Variants in TNFRSF1B observed in about 807,000 individuals in gnomAD.
The protein encoded by TNFRSF1B is TNF receptor superfamily member 1B.
In TNFRSF1B, 19 loss-of-function variants were observed where a neutral mutation model predicts 44.6. The observed-to-expected ratio is 0.43, with a 90% CI of 0.30 to 0.62. TNFRSF1B has a LOEUF of 0.62. TNFRSF1B is among the 20% of genes least tolerant of loss of function. The pLI, the probability that TNFRSF1B is intolerant of heterozygous loss-of-function variation, is 0.16. For synonymous variants in TNFRSF1B, 252 were observed against 261.1 expected, an observed-to-expected ratio of 0.97 and a Z score of 0.34; for missense variants, 541 against 619.9, an observed-to-expected ratio of 0.87 and a Z score of 1.35.
intron 9 of TNFRSF1B, 107 bp downstream of exon 9, chr1:12,202,278 G>A: frequency 6.9e-7 from 1 of 1,453,866 alleles, no homozygotes; most frequent in East Asian, 2.5e-5. Flanking sequence ...GGTGGGACGA[G>A]GCCTGAGCCA....
chr1:12,196,651 T>C (rs1338465802), intron 8 of TNFRSF1B, among the ~76,000 whole-genome samples: 1 of 152,228 alleles, frequency 6.6e-6, no homozygotes, highest in Non-Finnish European at 1.5e-5. Flanking sequence ...CGCACCGCAG[T>C]GTGTCTCTGG....
chr1:12,189,745 A>G (rs1193576160), intron 2 of TNFRSF1B, among the ~76,000 whole-genome samples: 1 of 152,232 alleles, frequency 6.6e-6, no homozygotes, highest in Non-Finnish European at 1.5e-5. Context: ...GTAGAAAGAC[A>G]AGGTCAGGTA....
rs1405168216 is a variant in TNFRSF1B at position 12,177,095 on chromosome 1, T to C, written c.78+9926T>C. Among the ~76,000 whole-genome samples the C allele has an allele frequency of 6.6e-6, 1 of 152,128 alleles. No homozygotes were observed. Among genetic ancestry groups the C allele is most frequent in the African/African-American group, 2.4e-5 (1 of 41,430 alleles). On this transcript the variant is annotated intron_variant, in intron 1 of 9. Transcript: ENST00000376259. The surrounding 1 kb of genome is among the most constrained non-coding windows in gnomAD (Gnocchi z 4.3). ...TTGGCTCACTGCAACCTCTGCCTTC[T>C]GAGTTCAAGCGATTCTCCCACCTCA...
intron 8 of TNFRSF1B, among the ~76,000 whole-genome samples, chr1:12,197,682 A>G (rs190896323): frequency 7.2e-5 from 11 of 152,290 alleles, no homozygotes; most frequent in Admixed American, 6.5e-4. Flanking sequence ...CTACTCCTCA[A>G]CCAGCAGCTA....
At chr1:12,188,515 G>A (rs1639036785) in intron 1 of TNFRSF1B, among the ~76,000 whole-genome samples, 1 of 152,206 alleles carries the variant, frequency 6.6e-6, no homozygotes, top group Non-Finnish European at 1.5e-5. Context: ...TCTGTCCCAT[G>A]CAGTGTTAGG....
chr1:12,202,249 C>G (rs1639410436), intron 9 of TNFRSF1B, 78 bp downstream of exon 9: 1 of 1,506,806 alleles, frequency 6.6e-7, no homozygotes. Context: ...TAGCCATCTC[C>G]TCCTGAGCCT....
In TNFRSF1B at chr1:12,209,209, CTGTT is replaced by C. The variant is rs1639577922; in HGVS notation, c.*2195_*2198del. ...ACGGCATTCCTGCTTATCAATAAAC[CTGTT>C]TGTTTTACACGTCGACCCCTGGCTC... On this transcript the variant is annotated 3_prime_UTR_variant, in exon 10 of 10. Transcript: ENST00000376259. 6.6e-6 allele frequency: 1 copy of C among 152,112 alleles called. No homozygotes were observed. Among genetic ancestry groups the C allele is most frequent in the Non-Finnish European group, 1.5e-5 (1 of 68,036 alleles). The allele number at this position is 152,112 out of a possible 1,614,324, so 9.4% of individuals were successfully genotyped here. A position where few individuals can be genotyped will look rare whatever the true frequency, so the allele number is the denominator to read the frequency against.
chr1:12,184,479 C>CG (rs966488025), intron 1 of TNFRSF1B, among the ~76,000 whole-genome samples: 30 of 151,964 alleles, frequency 2.0e-4, no homozygotes, highest in East Asian at 1.2e-3. Context: ...TGCCGGCTAC[C>CG]GGGGGGGCTG....
chr1:12,167,188 C>G lies in TNFRSF1B; in HGVS notation c.78+19C>G. 8.0e-7 allele frequency: 1 copy of G among 1,255,762 alleles called. No homozygotes were observed. Among genetic ancestry groups the G allele is most frequent in the Non-Finnish European group, 1.0e-6 (1 of 998,710 alleles). 77.8% of individuals were successfully genotyped at this position (1,255,762 alleles called of 1,614,324 possible). ...CGCCCAGGTGGGTGACTCGCGCGGC[C>G]CACGGGGGACAGCCGCCCCGCATGT... On this transcript the variant is annotated intron_variant, in intron 1 of 9. Transcript: ENST00000376259.
At chr1:12,176,617 T>C (rs1374773672) in intron 1 of TNFRSF1B, among the ~76,000 whole-genome samples, 1 of 152,166 alleles carries the variant, frequency 6.6e-6, no homozygotes, top group Non-Finnish European at 1.5e-5. Context: ...GTGTCCATGC[T>C]CTCAGCCACC....
At chr1:12,175,976 A>G (rs190736851) in intron 1 of TNFRSF1B, among the ~76,000 whole-genome samples, 2 of 151,896 alleles carry the variant, frequency 1.3e-5, no homozygotes, top group Admixed American at 6.6e-5. Flanking sequence ...GCACTTTGGG[A>G]GGCCAAGGCG....
chr1:12,188,521 T>G (rs1639036861), intron 1 of TNFRSF1B, among the ~76,000 whole-genome samples: 1 of 152,168 alleles, frequency 6.6e-6, no homozygotes, highest in African/African-American at 2.4e-5. Context: ...CCATGCAGTG[T>G]TAGGGGTCAC....
intron 9 of TNFRSF1B, among the ~76,000 whole-genome samples, chr1:12,206,311 T>A (rs1029743007): frequency 6.2e-5 from 9 of 146,014 alleles, no homozygotes; most frequent in Non-Finnish European, 9.0e-5. Flanking sequence ...GAGGCAGAGG[T>A]CACAGTGAGT....
Position 12,192,859 on chromosome 1 carries a change from C to G in TNFRSF1B, c.552-4C>G. 1 of 1,611,828 alleles carries G rather than the reference C, an allele frequency of 6.2e-7. No homozygotes were observed. Among genetic ancestry groups the G allele is most frequent in the Non-Finnish European group, 8.5e-7 (1 of 1,178,656 alleles). ...CCTCCTGACCAAGCCTCCTCCTCCT[C>G]CAGCTGTAACGTGGTGGCCATCCCT... On this transcript the variant is annotated splice_polypyrimidine_tract_variant and splice_region_variant and intron_variant, in intron 5 of 9. Coordinates refer to ENST00000376259, the MANE Select transcript of TNFRSF1B (RefSeq NM_001066.3).
chr1:12,194,667 G>T (rs372666981), intron 8 of TNFRSF1B, 49 bp downstream of exon 8: 1 of 1,601,996 alleles, frequency 6.2e-7, no homozygotes, highest in South Asian at 1.1e-5. Flanking sequence ...TCTCCTTCCC[G>T]GCGTGCTGGG....
intron 1 of TNFRSF1B, among the ~76,000 whole-genome samples, chr1:12,183,683 T>C (rs1030617507): frequency 1.5e-4 from 20 of 129,920 alleles, no homozygotes; most frequent in African/African-American, 5.3e-4. Flanking sequence ...TATCTATCTA[T>C]CTATCTATCT....
chr1:12,173,316 G>A (rs987658936), intron 1 of TNFRSF1B, among the ~76,000 whole-genome samples: 3 of 152,134 alleles, frequency 2.0e-5, no homozygotes, highest in Admixed American at 1.3e-4. Flanking sequence ...AGGAAGGAGA[G>A]CCCAGGACTC....
chr1:12,178,476 G>T lies in TNFRSF1B; in HGVS notation c.79-10320G>T, dbSNP rs1454451333. Among the ~76,000 whole-genome samples, 1 of 152,028 alleles carries T rather than the reference G, an allele frequency of 6.6e-6. No individual in the cohort carries two copies. Among genetic ancestry groups the T allele is most frequent in the African/African-American group, 2.4e-5 (1 of 41,438 alleles). On this transcript the variant is annotated intron_variant, in intron 1 of 9. Coordinates refer to ENST00000376259, the MANE Select transcript of TNFRSF1B (RefSeq NM_001066.3). This position sits in a 1 kb window ranked among gnomAD's most constrained non-coding sequence, Gnocchi z 4.3. ...AACTGGGATCAAAGCCCACGTGTCT[G>T]TGTCTGGCTCAGCGCCCATACAAGG...
At chr1:12,175,002 G>A (rs894173446) in intron 1 of TNFRSF1B, among the ~76,000 whole-genome samples, 12 of 152,248 alleles carry the variant, frequency 7.9e-5, no homozygotes, top group African/African-American at 2.7e-4. Context: ...CAGTCTGAGC[G>A]TGGCCCTGCA....
Sources: gnomAD v4.1 joint callset for allele counts (sites outside exome capture counted in the v4.1 genomes callset) on GRCh38, gnomAD v4.1.1 for gene constraint, Gnocchi (gnomAD v3.1) non-coding constraint, MANE v1.5 for transcripts, NCBI Gene and HGNC (gene_info 2026-07-23, HGNC 2026-07-21) for gene names.